Variants in MYO5B observed in about 807,000 individuals in gnomAD.
MYO5B encodes the protein unconventional myosin-Vb.
A neutral mutation model predicts 229.3 loss-of-function variants in MYO5B; 143 were observed. The ratio of observed to expected loss-of-function variants is 0.62; its 90% CI spans 0.54 to 0.72. The LOEUF is 0.72. MYO5B is among the 30% of genes least tolerant of loss of function. MYO5B has a pLI of 0.00. For missense variants in MYO5B, 2,321 were observed against 2,331.0 expected (o/e 1.00, Z 0.09); for synonymous variants, 918 against 885.2 (o/e 1.04, Z -0.66).
intron 12 of MYO5B, among the ~76,000 whole-genome samples, chr18:49,960,580 C>T (rs1367460640): frequency 6.6e-6 from 1 of 152,214 alleles, no homozygotes; most frequent in Non-Finnish European, 1.5e-5. Context: ...TTAAAATCCA[C>T]CTGTTACTGA....
intron 17 of MYO5B, among the ~76,000 whole-genome samples, chr18:49,925,469 T>C (rs1453844967): frequency 6.6e-6 from 1 of 152,252 alleles, no homozygotes; most frequent in Non-Finnish European, 1.5e-5. Context: ...GAGGGCTGCG[T>C]CATGGGCCAA....
chr18:49,879,349 C>T, intron 23 of MYO5B: 1 of 502,646 alleles, frequency 2.0e-6, no homozygotes, highest in Non-Finnish European at 3.6e-6. Flanking sequence ...GTGAGAATTC[C>T]CTCAGTTGAT....
intron 1 of MYO5B, among the ~76,000 whole-genome samples, chr18:50,086,635 C>T (rs1568101129): frequency 6.6e-6 from 1 of 152,194 alleles, no homozygotes; most frequent in South Asian, 2.1e-4. Context: ...TTATATAACC[C>T]TTGCATTTGG....
At chr18:50,172,423 T>A (rs1169439188) in intron 1 of MYO5B, among the ~76,000 whole-genome samples, 2 of 152,140 alleles carry the variant, frequency 1.3e-5, no homozygotes, top group South Asian at 2.1e-4. Context: ...AGAATCGGAT[T>A]CCCAGTGTAT....
intron 1 of MYO5B, among the ~76,000 whole-genome samples, chr18:50,066,144 AT>A (rs1302743026): frequency 6.6e-6 from 1 of 152,260 alleles, no homozygotes; most frequent in Non-Finnish European, 1.5e-5. Flanking sequence ...CATGATAAAA[AT>A]ATCAGATTTA....
chr18:50,014,266 T>A (rs1598953424), intron 4 of MYO5B, among the ~76,000 whole-genome samples: 4 of 77,710 alleles, frequency 5.1e-5, no homozygotes, highest in Admixed American at 1.6e-4. Flanking sequence ...ATGGAGAAAA[T>A]GGATGAGAAA....
chr18:49,891,430 A>G (rs2024713468), intron 22 of MYO5B, among the ~76,000 whole-genome samples: 1 of 152,090 alleles, frequency 6.6e-6, no homozygotes. Flanking sequence ...ATCCCCACAC[A>G]TTTAAGCTCC....
chr18:49,858,140 C>T (rs1199720029), intron 29 of MYO5B, among the ~76,000 whole-genome samples: 1 of 152,240 alleles, frequency 6.6e-6, no homozygotes, highest in South Asian at 2.1e-4. Flanking sequence ...ACCTGAGAGA[C>T]TGTTTCAGGC....
intron 4 of MYO5B, among the ~76,000 whole-genome samples, chr18:50,035,864 AC>A (rs2026442401): frequency 6.6e-6 from 1 of 152,204 alleles, no homozygotes; most frequent in Non-Finnish European, 1.5e-5. Context: ...AATGAAGCAG[AC>A]CTTTTATATA....
chr18:50,173,318 C>A (rs1418178365), intron 1 of MYO5B, among the ~76,000 whole-genome samples: 1 of 150,416 alleles, frequency 6.6e-6, no homozygotes, highest in African/African-American at 2.4e-5. Context: ...ATGGATGCAG[C>A]AGGTAAGGAA....
chr18:50,079,509 A>T (rs2031164391), intron 1 of MYO5B, among the ~76,000 whole-genome samples: 1 of 152,064 alleles, frequency 6.6e-6, no homozygotes, highest in African/African-American at 2.4e-5. Flanking sequence ...AACTCCTCAA[A>T]TTCTCCCCCC....
At chr18:50,178,504 C>A (rs1277535314) in intron 1 of MYO5B, among the ~76,000 whole-genome samples, 1 of 152,186 alleles carries the variant, frequency 6.6e-6, no homozygotes, top group African/African-American at 2.4e-5. Flanking sequence ...CAACAACTGA[C>A]CCCCTAGCAA....
Position 50,194,776 on chromosome 18 carries a change from G to A in MYO5B, c.18C>T (p.Leu6=), listed in dbSNP as rs1366865579. 2 of 1,464,894 alleles carry A rather than the reference G, an allele frequency of 1.4e-6. No homozygotes were observed. The highest frequency in any genetic ancestry group is 2.4e-5 in the Admixed American group (1 of 42,230). The allele number at this position is 1,464,894 out of a possible 1,614,324, so 90.7% of individuals were successfully genotyped here. A position where few individuals can be genotyped will look rare whatever the true frequency, so the allele number is the denominator to read the frequency against. MSVGE[L]YSQCTRVWIP... Reference sequence around the variant, plus strand: ...TCGCGGCCGCGCTCACCTGGCTGTAGAGCTCGCCCACCGACATGGCCCGGG... The same window carrying A: ...TCGCGGCCGCGCTCACCTGGCTGTAAAGCTCGCCCACCGACATGGCCCGGG... Residue 6 remains leucine, a synonymous_variant, in exon 1 of 40, where the codon CTC becomes CTT. Transcript: ENST00000285039.
rs1202748503 is a variant in MYO5B, at chr18:49,902,833, C to T, written c.2572G>A (p.Val858Ile). The T allele has an allele frequency of 1.9e-6, 3 of 1,599,664 alleles. No individual in the cohort carries two copies. The highest frequency in any genetic ancestry group is 2.2e-5 in the East Asian group (1 of 44,872). Residue 858 changes from valine (V) to isoleucine (I), a missense_variant and splice_region_variant, in exon 21 of 40, where the codon GTC becomes ATC. Val to Ile is a conservative substitution (Grantham distance 29). Coordinates refer to ENST00000285039, the MANE Select transcript of MYO5B (RefSeq NM_001080467.3). ...GTGGTGGCCTTGTGCTCCATGAGGA[C>T]CTGGCGGGAAACAAGGATACACATC... ...AMFVRRTYRQ[V>I]LMEHKATTIQ...
intron 1 of MYO5B, among the ~76,000 whole-genome samples, chr18:50,173,317 G>A (rs2032945813): frequency 6.6e-6 from 1 of 151,940 alleles, no homozygotes. Flanking sequence ...GATGGATGCA[G>A]CAGGTAAGGA....
intron 16 of MYO5B, 101 bp from the exon 17 acceptor site, chr18:49,929,699 T>C (rs762912573): frequency 1.9e-6 from 2 of 1,028,612 alleles, no homozygotes; most frequent in Admixed American, 4.0e-5. Flanking sequence ...GCATGTGAAG[T>C]ACCTGCTGCC....
At chr18:50,095,631 C>A (rs1343341371) in intron 1 of MYO5B, among the ~76,000 whole-genome samples, 1 of 152,190 alleles carries the variant, frequency 6.6e-6, no homozygotes, top group Admixed American at 6.5e-5. Context: ...ATGTGTGAGC[C>A]TAGCTGTCTT....
intron 1 of MYO5B, among the ~76,000 whole-genome samples, chr18:50,177,927 A>G (rs969664373): frequency 2.6e-5 from 4 of 152,198 alleles, no homozygotes; most frequent in African/African-American, 9.7e-5. Context: ...GCCACAGCCC[A>G]TCCTTCTTGT....
At chr18:49,856,937 A>G (rs1160057650) in intron 29 of MYO5B, 47 bp from the exon 30 acceptor site, 1 of 1,509,708 alleles carries the variant, frequency 6.6e-7, no homozygotes, top group Non-Finnish European at 9.2e-7. Context: ...TAGACGGAAG[A>G]GACAGGCAGG....
Sources: allele counts gnomAD v4.1 joint callset (sites outside exome capture counted in the v4.1 genomes callset), GRCh38; gene constraint gnomAD v4.1.1; transcripts MANE v1.5; gene names NCBI Gene and HGNC (gene_info 2026-07-23, HGNC 2026-07-21).